The following PCDH11X variants were observed in gnomAD, a reference collection of about 807,000 sequenced individuals.
The protein encoded by PCDH11X is protocadherin-11 X-linked.
PCDH11X carries 18 observed loss-of-function variants against 53.3 expected under a neutral mutation model. The observed-to-expected ratio is 0.34, with a 90% confidence interval of 0.23 to 0.50. PCDH11X has a LOEUF of 0.50. Among genes scored for constraint, PCDH11X ranks in the 20% least tolerant of loss-of-function variants. PCDH11X has a pLI of 0.98. For missense variants in PCDH11X, 570 were observed against 1,032.4 expected, an observed-to-expected ratio of 0.55 and a Z score of 6.14; for synonymous variants, 279 against 393.3, an observed-to-expected ratio of 0.71 and a Z score of 3.44.
intron 1 of PCDH11X, among the ~76,000 whole-genome samples, chrX:91,807,302 G>T (rs765840064): frequency 1.4e-3 from 153 of 110,880 alleles, no homozygotes; most frequent in African/African-American, 4.8e-3. Context: ...CTATGATCGT[G>T]CCACTGCACT....
intron 5 of PCDH11X, among the ~76,000 whole-genome samples, chrX:91,875,986 A>G (rs1939593138): frequency 8.9e-6 from 1 of 111,760 alleles, no homozygotes; most frequent in Non-Finnish European, 1.9e-5. Context: ...ACTGAAATCT[A>G]CAGTAAAAAA....
chrX:92,191,488 GGTT>G, intron 6 of PCDH11X, among the ~76,000 whole-genome samples: 1 of 111,131 alleles, frequency 9.0e-6, no homozygotes, highest in South Asian at 3.8e-4. Context: ...TTATGTAAGG[GGTT>G]TTAATATAAT....
intron 6 of PCDH11X, among the ~76,000 whole-genome samples, chrX:91,899,670 C>A (rs903903972): frequency 5.4e-5 from 6 of 110,606 alleles, no homozygotes; most frequent in Admixed American, 2.9e-4. Context: ...CAATCCCCAA[C>A]CTAAATGTTA....
At chrX:92,148,109 TCTTTCTTTCTTTCTTTCTTTCTTTTTCC>T (rs1569389256) in intron 6 of PCDH11X, among the ~76,000 whole-genome samples, 16 of 19,958 alleles carry the variant, frequency 8.0e-4, no homozygotes, top group Non-Finnish European at 1.1e-3. Flanking sequence ...TTTCTTTCTT[TCTTTCTTTCTTTCTTTCTTTCTTTTTCC>T]TTCCTTCCTT....
intron 6 of PCDH11X, among the ~76,000 whole-genome samples, chrX:92,052,318 G>A (rs1206219923): frequency 9.9e-6 from 1 of 100,683 alleles, no homozygotes; most frequent in Non-Finnish European, 2.0e-5. Context: ...TTACATGTAA[G>A]TGAGTTTTGT....
intron 10 of PCDH11X, among the ~76,000 whole-genome samples, chrX:92,519,478 CCTT>C (rs1168249242): frequency 1.8e-4 from 19 of 105,962 alleles, no homozygotes; most frequent in Middle Eastern, 5.2e-3. Context: ...AATTATGACT[CCTT>C]CTTTGCTCAA....
chrX:92,228,928 G>T (rs2067018918), intron 7 of PCDH11X, among the ~76,000 whole-genome samples: 1 of 111,613 alleles, frequency 9.0e-6, no homozygotes, highest in Non-Finnish European at 1.9e-5. Flanking sequence ...ATATTTTCAA[G>T]TGTGCATTGT....
chrX:92,282,135 G>A (rs2068263084), intron 8 of PCDH11X, among the ~76,000 whole-genome samples: 1 of 110,864 alleles, frequency 9.0e-6, no homozygotes, highest in African/African-American at 3.3e-5. Flanking sequence ...AGAAAAGGGA[G>A]TGGGGGAATA....
chrX:91,792,890 C>T (rs1436885883), intron 1 of PCDH11X, among the ~76,000 whole-genome samples: 1 of 109,628 alleles, frequency 9.1e-6, no homozygotes, highest in Non-Finnish European at 1.9e-5. Context: ...CACCCAAGAA[C>T]ATGCTTTGGT....
At chrX:92,237,281 G>A (rs1365233886) in intron 7 of PCDH11X, among the ~76,000 whole-genome samples, 5 of 110,599 alleles carry the variant, frequency 4.5e-5, no homozygotes, top group Non-Finnish European at 9.5e-5. Context: ...TTTTATCAAT[G>A]GCTTTTATTT....
intron 6 of PCDH11X, among the ~76,000 whole-genome samples, chrX:91,923,213 C>T (rs1400050650): frequency 3.1e-5 from 3 of 96,772 alleles, no homozygotes; most frequent in Non-Finnish European, 6.2e-5. Context: ...AAGGGGTGGA[C>T]GTGTGATGGT....
At chrX:92,312,586 AAC>A (rs2068973705) in intron 8 of PCDH11X, among the ~76,000 whole-genome samples, 1 of 110,693 alleles carries the variant, frequency 9.0e-6, no homozygotes, top group African/African-American at 3.3e-5. Flanking sequence ...ACTACACAAG[AAC>A]ACATGCAAAA....
At chrX:91,886,339 G>C (rs73630151) in intron 6 of PCDH11X, among the ~76,000 whole-genome samples, 1 of 110,564 alleles carries the variant, frequency 9.0e-6, no homozygotes, top group Non-Finnish European at 1.9e-5. Flanking sequence ...AAAGGAACTT[G>C]TAGTGAACTT....
At chrX:92,551,010 C>T (rs1445384648) in intron 10 of PCDH11X, among the ~76,000 whole-genome samples, 1 of 111,269 alleles carries the variant, frequency 9.0e-6, no homozygotes, top group Non-Finnish European at 1.9e-5. Flanking sequence ...AGGTTGCTTA[C>T]AAATCTTAGC....
chrX:92,490,980 G>T (rs2073753622), intron 10 of PCDH11X, among the ~76,000 whole-genome samples: 1 of 108,024 alleles, frequency 9.3e-6, no homozygotes, highest in Non-Finnish European at 1.9e-5. Flanking sequence ...CTACGAAAAG[G>T]TCAACTAGAA....
chrX:92,484,243 A>ATATATGTT (rs2073591178), intron 10 of PCDH11X, among the ~76,000 whole-genome samples: 1 of 98,115 alleles, frequency 1.0e-5, no homozygotes, highest in Non-Finnish European at 2.0e-5. Context: ...GTATATATGT[A>ATATATGTT]TATATGTATA....
At chrX:92,445,814 A>T (rs1266579316) in intron 9 of PCDH11X, among the ~76,000 whole-genome samples, 2 of 110,979 alleles carry the variant, frequency 1.8e-5, no homozygotes, top group Non-Finnish European at 3.8e-5. Flanking sequence ...CTGAAAAAAT[A>T]TATATGGGAT....
rs754874339 is a variant in PCDH11X, at chrX:92,440,595, C to T, written c.3344-27704C>T. The stretch of plus-strand genomic sequence containing the variant: ...GTTCCCCTGCACAAGCTCTCTCTGC[C>T]TGCTGCCATCCACGTAAGATGTGAC... On this transcript the variant is annotated intron_variant, in intron 9 of 10. Transcript: ENST00000682573. Among the ~76,000 whole-genome samples, 11 of 110,332 alleles carry T rather than the reference C, an allele frequency of 1.0e-4. No homozygotes were observed. In the Admixed American group the frequency reaches 1.1e-3, roughly 11 times the overall value.
intron 4 of PCDH11X, among the ~76,000 whole-genome samples, chrX:91,832,106 C>T (rs1937127860): frequency 9.4e-6 from 1 of 105,939 alleles, no homozygotes; most frequent in Non-Finnish European, 1.9e-5. Context: ...GGATCTAGAA[C>T]TAGAAATACC....
Sources: gnomAD v4.1 joint callset for allele counts (sites outside exome capture counted in the v4.1 genomes callset) on GRCh38, gnomAD v4.1.1 for gene constraint, MANE v1.5 for transcripts, NCBI Gene and HGNC (gene_info 2026-07-23, HGNC 2026-07-21) for gene names.